ALK: variants seen among roughly 807,000 people sequenced by gnomAD.
The protein encoded by ALK is ALK tyrosine kinase receptor.
A neutral mutation model predicts 163.1 loss-of-function variants in ALK; 74 were observed. The ratio of observed to expected loss-of-function variants is 0.45; its 90% CI spans 0.38 to 0.55. The LOEUF (loss-of-function observed/expected upper bound fraction) is 0.55. Among genes scored for constraint, ALK ranks in the 20% least tolerant of loss-of-function variants. ALK has a pLI of 0.00. For synonymous variants in ALK, 960 were observed against 843.2 expected, an observed-to-expected ratio of 1.14 and a Z score of -2.40; for missense variants, 2,063 against 2,105.3, an observed-to-expected ratio of 0.98 and a Z score of 0.39.
intron 4 of ALK, among the ~76,000 whole-genome samples, chr2:29,410,041 C>G (rs1237461381): frequency 1.3e-5 from 2 of 152,064 alleles, no homozygotes; most frequent in African/African-American, 4.8e-5. Flanking sequence ...GCCTATGAAC[C>G]CTTAGAAGGT....
intron 3 of ALK, among the ~76,000 whole-genome samples, chr2:29,537,133 T>C (rs770720619): frequency 6.6e-6 from 1 of 152,200 alleles, no homozygotes; most frequent in Non-Finnish European, 1.5e-5. Context: ...AGGGGAGGAA[T>C]TCAAGTGGCC....
Position 29,918,702 on chromosome 2 carries a change from G to A in ALK, c.667+1291C>T, listed in dbSNP as rs150760003. 8.1e-4 allele frequency among the ~76,000 whole-genome samples: 123 copies of A among 152,166 alleles called. 1 individual carries two copies. Among genetic ancestry groups the A allele is most frequent in the Middle Eastern group, 3.4e-3 (1 of 294 alleles). On this transcript the variant is annotated intron_variant, in intron 1 of 28. Transcript: ENST00000389048. Reference sequence around the variant, plus strand: ...ATATCCCTCCTGCATGAGAGTACTCGTGTGTGTGTGTATGTGTGTGCACAA... The same window carrying A: ...ATATCCCTCCTGCATGAGAGTACTCATGTGTGTGTGTATGTGTGTGCACAA...
chr2:29,640,069 T>C (rs1246807085), intron 3 of ALK, among the ~76,000 whole-genome samples: 1 of 152,208 alleles, frequency 6.6e-6, no homozygotes, highest in Non-Finnish European at 1.5e-5. Context: ...GCTCAGCACC[T>C]AATGCTGCGA....
chr2:29,856,840 T>C lies in ALK; in HGVS notation c.667+63153A>G, dbSNP rs910201275. The stretch of plus-strand genomic sequence containing the variant: ...AAGAAAGAATCCCTAACAAATGAAG[T>C]TCCTGAGTTAGACAGGGCGCTGAAT... On this transcript the variant is annotated intron_variant, in intron 1 of 28. Coordinates refer to ENST00000389048, the MANE Select transcript of ALK (RefSeq NM_004304.5). 2.0e-5 allele frequency among the ~76,000 whole-genome samples: 3 copies of C among 152,304 alleles called. 1 individual carries two copies. Among genetic ancestry groups the C allele is most frequent in the Admixed American group, 2.0e-4 (3 of 15,304 alleles).
At chr2:29,775,195 AT>A (rs1344970063) in intron 1 of ALK, among the ~76,000 whole-genome samples, 1 of 152,236 alleles carries the variant, frequency 6.6e-6, no homozygotes, top group Admixed American at 6.5e-5. Flanking sequence ...GTGGAAGGTT[AT>A]AAAAGGAGCC....
At chr2:29,297,380 G>T (rs1277128111) in intron 8 of ALK, among the ~76,000 whole-genome samples, 1 of 152,180 alleles carries the variant, frequency 6.6e-6, no homozygotes, top group Non-Finnish European at 1.5e-5. Flanking sequence ...CAAGATCAAT[G>T]GGGTAGTAAA....
intron 2 of ALK, among the ~76,000 whole-genome samples, chr2:29,696,897 A>G (rs1573563629): frequency 2.0e-5 from 3 of 151,626 alleles, no homozygotes. Flanking sequence ...ATGCCTGGCC[A>G]GAAATAAAAC....
intron 3 of ALK, among the ~76,000 whole-genome samples, chr2:29,533,526 T>G (rs866347903): frequency 7.1e-6 from 1 of 140,280 alleles, no homozygotes. Context: ...CACTGTGTAC[T>G]TCAGCCTAAA....
chr2:29,886,661 C>A (rs1666992264), intron 1 of ALK, among the ~76,000 whole-genome samples: 1 of 152,226 alleles, frequency 6.6e-6, no homozygotes, highest in Admixed American at 6.5e-5. Flanking sequence ...GTGAAAGAGA[C>A]ACTCAAGTAA....
chr2:29,439,674 G>C (rs1670487189), intron 4 of ALK, among the ~76,000 whole-genome samples: 1 of 106,546 alleles, frequency 9.4e-6, no homozygotes, highest in South Asian at 4.0e-4. Context: ...AACGGGACTG[G>C]TGTTCTTGTT....
chr2:29,618,330 T>G (rs1327830327), intron 3 of ALK, among the ~76,000 whole-genome samples: 1 of 152,190 alleles, frequency 6.6e-6, no homozygotes, highest in Admixed American at 6.5e-5. Context: ...CAAAAATGGT[T>G]GAGTGTCAGA....
intron 4 of ALK, among the ~76,000 whole-genome samples, chr2:29,469,941 C>A (rs967952424): frequency 6.6e-6 from 1 of 152,006 alleles, no homozygotes; most frequent in African/African-American, 2.4e-5. Flanking sequence ...AAAAACAGAC[C>A]TTGAAGTCTG....
chr2:29,394,690 C>T (rs1477253352), intron 4 of ALK, among the ~76,000 whole-genome samples: 3 of 152,098 alleles, frequency 2.0e-5, no homozygotes, highest in Non-Finnish European at 2.9e-5. Context: ...GATTAGAGTC[C>T]CAGGTGATCA....
At chr2:29,307,225 C>T (rs1666549992) in intron 8 of ALK, among the ~76,000 whole-genome samples, 1 of 152,214 alleles carries the variant, frequency 6.6e-6, no homozygotes, top group Non-Finnish European at 1.5e-5. Context: ...TCAAAAGAGA[C>T]TCAGTGACAT....
At chr2:29,744,635 C>G (rs935977003) in intron 1 of ALK, among the ~76,000 whole-genome samples, 12 of 152,256 alleles carry the variant, frequency 7.9e-5, no homozygotes, top group African/African-American at 2.4e-4. Flanking sequence ...GAGTCTCTCT[C>G]TGTCACCCAG....
At position 29,528,468 on chromosome 2, in the gene ALK, C is replaced by T. The variant is rs148909266; in HGVS notation, c.1154+3447G>A. Among the ~76,000 whole-genome samples, 1,061 of 152,318 alleles carry T rather than the reference C, an allele frequency of 7.0e-3. 7 individuals carry two copies. The highest frequency in any genetic ancestry group is 0.024 in the African/African-American group (999 of 41,568). ...CTGGATCTGCCACTAGCGATCTTAG[C>T]TCAGCCTCTTAATAATACGAGCCTC... On this transcript the variant is annotated intron_variant, in intron 4 of 28. Coordinates refer to ENST00000389048, the MANE Select transcript of ALK (RefSeq NM_004304.5).
intron 1 of ALK, among the ~76,000 whole-genome samples, chr2:29,761,756 G>A (rs1051929434): frequency 6.6e-6 from 1 of 152,202 alleles, no homozygotes; most frequent in Non-Finnish European, 1.5e-5. Flanking sequence ...TGTCCTCTGT[G>A]AACAAGAGTC....
chr2:29,540,491 T>G (rs1196197462), intron 3 of ALK, among the ~76,000 whole-genome samples: 1 of 151,962 alleles, frequency 6.6e-6, no homozygotes, highest in African/African-American at 2.4e-5. Flanking sequence ...TCAGGCCAAA[T>G]ATTATCAAAC....
intron 24 of ALK, among the ~76,000 whole-genome samples, chr2:29,211,326 T>C (rs1252829422): frequency 7.1e-6 from 1 of 139,868 alleles, no homozygotes; most frequent in African/African-American, 2.6e-5. Flanking sequence ...GTATAGCCGT[T>C]AATTCTCAAG....
Sources: allele counts gnomAD v4.1 joint callset (sites outside exome capture counted in the v4.1 genomes callset), GRCh38; gene constraint gnomAD v4.1.1; transcripts MANE v1.5; gene names NCBI Gene and HGNC (gene_info 2026-07-23, HGNC 2026-07-21).